The following SLC4A4 variants were observed in gnomAD, a reference collection of about 807,000 sequenced individuals.
SLC4A4 encodes the protein electrogenic sodium bicarbonate cotransporter 1.
SLC4A4 carries 27 observed loss-of-function variants against 111.5 expected under a neutral mutation model. The observed-to-expected ratio is 0.24, with a 90% confidence interval of 0.18 to 0.33. The LOEUF is 0.33. SLC4A4 is among the 10% of genes least tolerant of loss of function. The pLI, the probability that SLC4A4 is intolerant of heterozygous loss-of-function variation, is 1.00. For missense variants in SLC4A4, 909 were observed against 1,315.5 expected (o/e 0.69, Z 4.78); for synonymous variants, 443 against 463.4 (o/e 0.96, Z 0.57).
chr4:71,459,252 A>G (rs1050210988), intron 12 of SLC4A4, among the ~76,000 whole-genome samples: 1 of 151,976 alleles, frequency 6.6e-6, no homozygotes, highest in African/African-American at 2.4e-5. Context: ...AACTGATGCT[A>G]AATTCTAATT....
intron 13 of SLC4A4, among the ~76,000 whole-genome samples, chr4:71,470,482 T>C (rs4235092): frequency 0.95 from 144,906 of 152,116 alleles, 69,431 homozygotes; most frequent in East Asian, 1. Flanking sequence ...AAAAGGAAAA[T>C]CTAAGAATCA....
intron 1 of SLC4A4, among the ~76,000 whole-genome samples, chr4:71,205,119 G>A (rs1717672961): frequency 6.6e-6 from 1 of 152,198 alleles, no homozygotes; most frequent in Non-Finnish European, 1.5e-5. Context: ...GCTTGTTTGT[G>A]TTGCCAGCGT....
chr4:71,429,381 G>T (rs1283156819), intron 7 of SLC4A4, among the ~76,000 whole-genome samples: 2 of 152,010 alleles, frequency 1.3e-5, no homozygotes, highest in African/African-American at 4.8e-5. Flanking sequence ...TGTGATAGCT[G>T]GGTTGTTGTT....
At chr4:71,447,585 T>C (rs1189317612) in intron 8 of SLC4A4, 61 bp from the exon 9 acceptor site, 1 of 1,022,808 alleles carries the variant, frequency 9.8e-7, no homozygotes, top group African/African-American at 1.6e-5. Context: ...TTCTCAGTTT[T>C]ATGTATGTTG....
intron 2 of SLC4A4, among the ~76,000 whole-genome samples, chr4:71,250,701 C>T (rs1299213194): frequency 2.0e-5 from 3 of 152,092 alleles, no homozygotes; most frequent in Admixed American, 1.3e-4. Context: ...TTTGTCTATT[C>T]TCTTGTTAGC....
In SLC4A4 at chr4:71,432,388, ACT is replaced by A. The variant is rs1019330400; in HGVS notation, c.808-8225_808-8224del. Among the ~76,000 whole-genome samples, 117 of 152,174 alleles carry A rather than the reference ACT, an allele frequency of 7.7e-4. 1 individual carries two copies. The highest frequency in any genetic ancestry group is 2.5e-3 in the African/African-American group (105 of 41,542). ...TTTGGGCCACTTGGCCATATTCCAC[ACT>A]CTGCTCTGTGTTATAGGGGACAATT... On this transcript the variant is annotated intron_variant, in intron 7 of 25. Coordinates refer to ENST00000264485, the MANE Select transcript of SLC4A4 (RefSeq NM_001098484.3).
At chr4:71,567,743 G>A (rs1737618559) in intron 25 of SLC4A4, 45 bp from the exon 26 acceptor site, 2 of 908,544 alleles carry the variant, frequency 2.2e-6, no homozygotes, top group Admixed American at 2.7e-5. Flanking sequence ...AGATGATGAA[G>A]GAAATCTGAT....
At chr4:71,219,486 G>A (rs1328230171) in intron 1 of SLC4A4, among the ~76,000 whole-genome samples, 1 of 152,142 alleles carries the variant, frequency 6.6e-6, no homozygotes, top group Non-Finnish European at 1.5e-5. Context: ...CTGATAAAGA[G>A]GTACAAGGAG....
chr4:71,219,959 C>T (rs537844434), intron 1 of SLC4A4, among the ~76,000 whole-genome samples: 1 of 152,162 alleles, frequency 6.6e-6, no homozygotes, highest in African/African-American at 2.4e-5. Context: ...TTCTTGAGAT[C>T]GAATCTGCTC....
chr4:71,276,893 C>T (rs1723109409), intron 3 of SLC4A4, among the ~76,000 whole-genome samples: 1 of 151,616 alleles, frequency 6.6e-6, no homozygotes, highest in South Asian at 2.1e-4. Flanking sequence ...ACAAAAAAGA[C>T]AAGAATAAGC....
At chr4:71,171,707 T>G in intron 2 of SLC4A4, among the ~76,000 whole-genome samples, 1 of 152,198 alleles carries the variant, frequency 6.6e-6, no homozygotes, top group Non-Finnish European at 1.5e-5. Flanking sequence ...CTATACCTAG[T>G]ATGTAAATTT....
At chr4:71,220,157 G>C (rs1705710725) in intron 1 of SLC4A4, among the ~76,000 whole-genome samples, 1 of 152,182 alleles carries the variant, frequency 6.6e-6, no homozygotes, top group Admixed American at 6.5e-5. Flanking sequence ...TTTGTGAAAG[G>C]AAGAATCAAT....
At chr4:71,275,706 C>G (rs944178285) in intron 3 of SLC4A4, among the ~76,000 whole-genome samples, 3 of 152,246 alleles carry the variant, frequency 2.0e-5, no homozygotes, top group African/African-American at 7.2e-5. Flanking sequence ...GTGGCACAAA[C>G]AGTTAACTTA....
At chr4:71,533,397 G>C (rs1734117610) in intron 17 of SLC4A4, among the ~76,000 whole-genome samples, 1 of 152,148 alleles carries the variant, frequency 6.6e-6, no homozygotes, top group South Asian at 2.1e-4. Context: ...CAGATGATGG[G>C]AATGTCCTCA....
intron 7 of SLC4A4, among the ~76,000 whole-genome samples, chr4:71,398,935 A>C (rs1407255870): frequency 6.6e-6 from 1 of 152,218 alleles, no homozygotes; most frequent in Non-Finnish European, 1.5e-5. Context: ...CCGTGGTTTC[A>C]TATCCATGGA....
At chr4:71,164,145 C>T (rs991420970) in intron 2 of SLC4A4, among the ~76,000 whole-genome samples, 1 of 151,900 alleles carries the variant, frequency 6.6e-6, no homozygotes. Flanking sequence ...TTTTGGGAGG[C>T]CAAGGTGGGC....
chr4:71,563,501 C>T (rs1737173799), intron 23 of SLC4A4, among the ~76,000 whole-genome samples: 3 of 151,782 alleles, frequency 2.0e-5, no homozygotes, highest in South Asian at 4.1e-4. Flanking sequence ...AACTCATAAA[C>T]ATTGCTGATT....
At chr4:71,089,267 T>C (rs1026880778) in intron 1 of SLC4A4, among the ~76,000 whole-genome samples, 1 of 152,120 alleles carries the variant, frequency 6.6e-6, no homozygotes, top group Non-Finnish European at 1.5e-5. Context: ...TAAAGACTTC[T>C]CTGCATTGGT....
intron 6 of SLC4A4, among the ~76,000 whole-genome samples, chr4:71,395,272 G>T (rs1384814070): frequency 6.6e-6 from 1 of 152,092 alleles, no homozygotes; most frequent in Non-Finnish European, 1.5e-5. Flanking sequence ...GATGGAAAAA[G>T]ATTGAAGAAT....
Sources: allele counts gnomAD v4.1 joint callset (sites outside exome capture counted in the v4.1 genomes callset), GRCh38; gene constraint gnomAD v4.1.1; transcripts MANE v1.5; gene names NCBI Gene and HGNC (gene_info 2026-07-23, HGNC 2026-07-21).